The following AKAP11 variants were observed in gnomAD, a reference collection of about 807,000 sequenced individuals.
AKAP11 encodes the protein A-kinase anchor protein 11.
A neutral mutation model predicts 146.1 loss-of-function variants in AKAP11; 36 were observed. That is an observed-to-expected ratio of 0.25 (90% CI 0.19 to 0.33). The LOEUF (loss-of-function observed/expected upper bound fraction) is 0.33, where lower values mean the gene tolerates loss of function less well. Ranked by LOEUF, AKAP11 falls within the 10% of genes least tolerant of loss-of-function variation. The probability of loss-of-function intolerance (pLI) is 1.00; values close to 1 mark genes in which losing one functional copy is unlikely to be tolerated. For synonymous variants in AKAP11, 780 were observed against 786.5 expected (o/e 0.99, Z 0.14); for missense variants, 2,201 against 2,197.0 (o/e 1.00, Z -0.04).
At chr13:42,276,107 CTT>C (rs1259334426) in intron 1 of AKAP11, among the ~76,000 whole-genome samples, 2 of 152,142 alleles carry the variant, frequency 1.3e-5, no homozygotes, top group African/African-American at 4.8e-5. Context: ...TAGATGCTCT[CTT>C]GAATTTCTGT....
At chr13:42,316,108 A>G (rs535136610) in intron 11 of AKAP11, among the ~76,000 whole-genome samples, 2 of 152,262 alleles carry the variant, frequency 1.3e-5, no homozygotes, top group East Asian at 1.9e-4. Context: ...CCTATTTTTG[A>G]TTGAGAGTGT....
intron 3 of AKAP11, among the ~76,000 whole-genome samples, chr13:42,289,660 T>G (rs1268792433): frequency 6.6e-6 from 1 of 152,086 alleles, no homozygotes; most frequent in Non-Finnish European, 1.5e-5. Context: ...ATTGGCTATT[T>G]TTTTTTTAAA....
Position 42,299,736 on chromosome 13 carries a change from A to G in AKAP11, c.990A>G (p.Lys330=). The G allele has an allele frequency of 1.2e-6, 2 of 1,614,012 alleles. No individual in the cohort carries two copies. The highest frequency in any genetic ancestry group is 1.7e-6 in the Non-Finnish European group (2 of 1,179,908). Residue 330 remains lysine, a synonymous_variant, in exon 8 of 13, where the codon AAA becomes AAG. Transcript: ENST00000025301. ...LDEEGYQKSL[K]AKLELPKIPV... ...AAGAGGGATATCAAAAAAGCTTAAA[A>G]GCAAAACTTGAGCTGCCTAAAATTC...
At chr13:42,271,902 G>C (rs896009821), upstream of AKAP11, among the ~76,000 whole-genome samples, 1 of 151,780 alleles carries the variant, frequency 6.6e-6, no homozygotes, top group Non-Finnish European at 1.5e-5. Context: ...ACGTGGGAAG[G>C]CTTTTTTTCC....
Position 42,303,570 on chromosome 13 carries a change from A to G in AKAP11, c.4824A>G (p.Arg1608=). ...CTGNSSQHFF[R]QGSLASSKPA... Reference sequence around the variant, plus strand: ...GAAATTCATCTCAGCACTTTTTCAGACAGGGTTCTCTCGCCAGTAGTAAGC... The same window carrying G: ...GAAATTCATCTCAGCACTTTTTCAGGCAGGGTTCTCTCGCCAGTAGTAAGC... Residue 1608 remains arginine, a synonymous_variant, in exon 8 of 13, where the codon AGA becomes AGG. Coordinates refer to ENST00000025301, the MANE Select transcript of AKAP11 (RefSeq NM_016248.4). 6.2e-7 allele frequency: 1 copy of G among 1,614,204 alleles called. No individual in the cohort carries two copies. Among genetic ancestry groups the G allele is most frequent in the South Asian group, 1.1e-5 (1 of 91,088 alleles).
Position 42,319,101 on chromosome 13 carries a change from T to TA in AKAP11, c.5580dup (p.Gln1861ThrfsTer19). 6.2e-7 allele frequency: 1 copy of TA among 1,613,762 alleles called. No homozygotes were observed. Among genetic ancestry groups the TA allele is most frequent in the Non-Finnish European group, 8.5e-7 (1 of 1,179,838 alleles). On this transcript the variant is annotated frameshift_variant, in exon 13 of 13. Coordinates refer to ENST00000025301, the MANE Select transcript of AKAP11 (RefSeq NM_016248.4). LOFTEE classifies it high-confidence loss of function. ...TTTCTTTCTTAGCTTTCAAAACAAT[T>TA]ACAAGAGAAAGGATGGAAAGTGGGA...
chr13:42,302,248 C>G lies in AKAP11; in HGVS notation c.3502C>G (p.Arg1168Gly). ...AGAAGAGTTCATGTTGAAACTCATG[C>G]GATCTCTTTCTGAAGAAGTTGAGAG... ...EKEEFMLKLM[R>G]SLSEEVESSE... The change falls in exon 8 of 13, where the codon CGA (arginine) becomes GGA (glycine). Residue 1168 changes from arginine to glycine, a missense_variant. Coordinates refer to ENST00000025301, the MANE Select transcript of AKAP11 (RefSeq NM_016248.4). 1.2e-6 allele frequency: 2 copies of G among 1,614,108 alleles called. No homozygotes were observed. The highest frequency in any genetic ancestry group is 1.7e-6 in the Non-Finnish European group (2 of 1,180,002).
rs1959910586 is a variant in AKAP11 at position 42,301,568 on chromosome 13, G to A, written c.2822G>A (p.Arg941Gln). 3.7e-5 allele frequency: 60 copies of A among 1,614,020 alleles called. No individual in the cohort carries two copies. Among genetic ancestry groups the A allele is most frequent in the Non-Finnish European group, 4.9e-5 (58 of 1,179,952 alleles). ...AGCAATAAGGACATGTTTGCTGACC[G>A]GTTATCTAAATCTATTATTAAACAT... ...ASSNKDMFAD[R>Q]LSKSIIKHSI... The change falls in exon 8 of 13, where the codon CGG (arginine) becomes CAG (glutamine). Residue 941 changes from arginine to glutamine, a missense_variant. Physicochemically the swap from Arg to Gln is conservative, Grantham distance 43. This residue lies in a region of AKAP11 where 1,867 missense variants were observed against 1,833.5 expected (regional missense o/e 1.02). Coordinates refer to ENST00000025301, the MANE Select transcript of AKAP11 (RefSeq NM_016248.4).
chr13:42,296,012 A>G lies in AKAP11; in HGVS notation c.216+270A>G, dbSNP rs75068561. Among the ~76,000 whole-genome samples the G allele has an allele frequency of 1.3e-3, 199 of 152,310 alleles. 1 individual carries two copies. Among genetic ancestry groups the G allele is most frequent in the South Asian group, 5.2e-3 (25 of 4,834 alleles). On this transcript the variant is annotated intron_variant, in intron 5 of 12. Coordinates refer to ENST00000025301, the MANE Select transcript of AKAP11 (RefSeq NM_016248.4). Reference sequence around the variant, plus strand: ...AAAAATTAACAATTAGCCAATGCAAAAATTTAGCCTGTTTGATTTAGGCAG... The same window carrying G: ...AAAAATTAACAATTAGCCAATGCAAGAATTTAGCCTGTTTGATTTAGGCAG...
intron 4 of AKAP11, among the ~76,000 whole-genome samples, chr13:42,293,714 G>A (rs189800805): frequency 1.3e-5 from 2 of 152,230 alleles, no homozygotes; most frequent in East Asian, 3.9e-4. Flanking sequence ...TCCTTGGTGA[G>A]GCCTTTCTTG....
At chr13:42,275,052 TA>T (rs757023206) in intron 1 of AKAP11, among the ~76,000 whole-genome samples, 6 of 151,312 alleles carry the variant, frequency 4.0e-5, no homozygotes, top group South Asian at 2.1e-4. Context: ...TTAGCCTACT[TA>T]AAAAAAAAGC....
Position 42,303,315 on chromosome 13 carries a change from C to G in AKAP11, c.4569C>G (p.Ser1523Arg). The G allele has an allele frequency of 6.2e-7, 1 of 1,612,650 alleles. No homozygotes were observed. Among genetic ancestry groups the G allele is most frequent in the South Asian group, 1.1e-5 (1 of 91,086 alleles). Residue 1523 changes from serine to arginine, a missense_variant, in exon 8 of 13, where the codon AGC becomes AGG. Transcript: ENST00000025301. ...CACAAAATCACAGGTTTTACCACAG[C>G]ACTGGCAGTTTAAATGGATATGGTT... is the stretch of plus-strand genomic sequence containing the variant. ...PSSQNHRFYH[S>R]TGSLNGYGCG...
intron 1 of AKAP11, among the ~76,000 whole-genome samples, chr13:42,278,376 AGGAACT>A: frequency 6.6e-6 from 1 of 152,308 alleles, no homozygotes; most frequent in Middle Eastern, 3.4e-3. Flanking sequence ...TACCCAAGAA[AGGAACT>A]TAGCTTCCTT....
chr13:42,287,612 A>G (rs563997522), intron 3 of AKAP11, among the ~76,000 whole-genome samples: 2 of 150,342 alleles, frequency 1.3e-5, no homozygotes, highest in East Asian at 2.0e-4. Flanking sequence ...TATGCTCCAT[A>G]TGTTTTGAGG....
rs762488452 is a variant in AKAP11, at chr13:42,295,700, A to G, written c.174A>G (p.Thr58=). 49 of 1,611,486 alleles carry G rather than the reference A, an allele frequency of 3.0e-5. No individual in the cohort carries two copies. The South Asian group carries it at 5.1e-4, about 17-fold the overall frequency. ...TTTATTTGTTCTTTACTCAGGTCAC[A>G]TTTCTGGGTTTTAATGAAGAGACAG... is the stretch of plus-strand genomic sequence containing the variant. ...QDEHANLTEV[T]FLGFNEETDA... The change falls in exon 5 of 13, where the codon ACA becomes ACG. Residue 58 remains threonine, a synonymous_variant. Coordinates refer to ENST00000025301, the MANE Select transcript of AKAP11 (RefSeq NM_016248.4).
rs551974285 is a variant in AKAP11 at position 42,311,570 on chromosome 13, A to AT, written c.5274-1472dup. Reference sequence around the variant, plus strand: ...GGTGATAAGGTTAGAGGGAATTTGAATTTTTAGTCTTTACTTCGTTTAGCT... The same window carrying AT: ...GGTGATAAGGTTAGAGGGAATTTGAATTTTTTAGTCTTTACTTCGTTTAGCT... On this transcript the variant is annotated intron_variant, in intron 9 of 12. Coordinates refer to ENST00000025301, the MANE Select transcript of AKAP11 (RefSeq NM_016248.4). Among the ~76,000 whole-genome samples, 348 of 152,176 alleles carry AT rather than the reference A, an allele frequency of 2.3e-3. 1 individual carries two copies. The highest frequency in any genetic ancestry group is 7.9e-3 in the African/African-American group (328 of 41,514).
At position 42,272,524 on chromosome 13, in the gene AKAP11, C is replaced by A. The variant is rs548328972; in HGVS notation, c.-100+296C>A. 5.7e-3 allele frequency among the ~76,000 whole-genome samples: 868 copies of A among 152,228 alleles called. 5 individuals are homozygous for A. The highest frequency in any genetic ancestry group is 7.3e-3 in the Non-Finnish European group (497 of 67,984). On this transcript the variant is annotated intron_variant, in intron 1 of 12. Coordinates refer to ENST00000025301, the MANE Select transcript of AKAP11 (RefSeq NM_016248.4). ...GTCCCAAGTGTGGCGGTGGAGCTGC[C>A]GCCCCTTTTAATGACAGGCTGTTTC... is the stretch of plus-strand genomic sequence containing the variant.
chr13:42,300,025 C>G lies in AKAP11; in HGVS notation c.1279C>G (p.Leu427Val). The G allele has an allele frequency of 6.2e-7, 1 of 1,613,894 alleles. No homozygotes were observed. The highest frequency in any genetic ancestry group is 1.1e-5 in the South Asian group (1 of 91,066). The change falls in exon 8 of 13, where the codon CTG (leucine) becomes GTG (valine). Residue 427 changes from leucine to valine, a missense_variant. Physicochemically the swap from Leu to Val is conservative, Grantham distance 32. Coordinates refer to ENST00000025301, the MANE Select transcript of AKAP11 (RefSeq NM_016248.4). Reference sequence around the variant, plus strand: ...TAAACCAGAATCTCCATATGGTAACCTGTGTGATGCTCCGGATTCTCCTCG... The same window carrying G: ...TAAACCAGAATCTCCATATGGTAACGTGTGTGATGCTCCGGATTCTCCTCG... ...PRKPESPYGNLCDAPDSPRPV... is the reference protein window; with the variant it reads ...PRKPESPYGNVCDAPDSPRPV...
At position 42,298,623 on chromosome 13, in the gene AKAP11, T is replaced by C. The variant is rs1330464887; in HGVS notation, c.442T>C (p.Tyr148His). Residue 148 changes from tyrosine to histidine, a missense_variant, in exon 7 of 13, where the codon TAT (tyrosine) becomes CAT (histidine). Coordinates refer to ENST00000025301, the MANE Select transcript of AKAP11 (RefSeq NM_016248.4). ...TTTTATCTTTAGTCTCCTAAGTAAA[T>C]ATGCTACTGGTATAAGGTACACCTT... ...IDFIFSLLSKYATGIRYTLDT... is the reference protein window; with the variant it reads ...IDFIFSLLSKHATGIRYTLDT... The C allele has an allele frequency of 6.2e-7, 1 of 1,612,306 alleles. No individual in the cohort carries two copies. The highest frequency in any genetic ancestry group is 8.5e-7 in the Non-Finnish European group (1 of 1,179,344).
Sources: gnomAD v4.1 joint callset for allele counts (sites outside exome capture counted in the v4.1 genomes callset) on GRCh38, gnomAD v4.1.1 for gene constraint, gnomAD v4.1.1 regional missense constraint, MANE v1.5 for transcripts, NCBI Gene and HGNC (gene_info 2026-07-23, HGNC 2026-07-21) for gene names.